The following TENM1 variants were observed in gnomAD, a reference collection of about 807,000 sequenced individuals.
TENM1 encodes the protein teneurin transmembrane protein 1, also known as teneurin-1.
In TENM1, 35 loss-of-function variants were observed where a neutral mutation model predicts 174.8. The observed-to-expected ratio is 0.20, with a 90% CI of 0.15 to 0.27. The LOEUF (loss-of-function observed/expected upper bound fraction) is 0.27. TENM1 is among the 10% of genes least tolerant of loss of function. The probability of loss-of-function intolerance (pLI) is 1.00; values close to 1 mark genes in which losing one functional copy is unlikely to be tolerated. For synonymous variants in TENM1, 781 were observed against 798.7 expected (o/e 0.98, Z 0.37); for missense variants, 1,633 against 2,130.1 (o/e 0.77, Z 4.59).
At chrX:125,028,537 G>A in the TENM1 span, among the ~76,000 whole-genome samples, 1 of 111,706 alleles carries the variant, frequency 9.0e-6, no homozygotes, top group East Asian at 2.8e-4. Flanking sequence ...TCAGAGAGTG[G>A]AGGGTGGAAG....
the TENM1 span, among the ~76,000 whole-genome samples, chrX:125,189,804 A>C: frequency 6.2e-5 from 7 of 112,385 alleles, no homozygotes; most frequent in Admixed American, 1.9e-4. Context: ...ATATGCATAC[A>C]TGTGTATGGA....
rs182888492 is a variant in TENM1, at chrX:124,726,146, T to C, written c.776+10811A>G. Among the ~76,000 whole-genome samples the C allele has an allele frequency of 5.4e-3, 605 of 112,691 alleles. 7 individuals are homozygous for C. The highest frequency in any genetic ancestry group is 0.018 in the African/African-American group (571 of 31,103). On this transcript the variant is annotated intron_variant, in intron 4 of 31. Transcript: ENST00000422452. The stretch of plus-strand genomic sequence containing the variant: ...TCCCTAAAACATTTTTAGATTCACA[T>C]TTGCATTGCCAAGTAAATCTTCTCC...
At chrX:124,711,882 C>T (rs900148954) in intron 4 of TENM1, among the ~76,000 whole-genome samples, 2 of 111,482 alleles carry the variant, frequency 1.8e-5, no homozygotes, top group Admixed American at 1.9e-4. Flanking sequence ...CAAGCAACCA[C>T]CATTCTATTT....
the TENM1 span, among the ~76,000 whole-genome samples, chrX:125,064,118 C>T: frequency 2.0e-5 from 2 of 101,459 alleles, no homozygotes; most frequent in Non-Finnish European, 3.9e-5. Context: ...AATGAGAACA[C>T]ATGGACACAG....
At chrX:125,060,245 G>A in the TENM1 span, among the ~76,000 whole-genome samples, 2 of 105,315 alleles carry the variant, frequency 1.9e-5, no homozygotes, top group Non-Finnish European at 3.9e-5. Context: ...GTAGAACCCT[G>A]ACTAATACAA....
chrX:124,752,880 G>C (rs1172229406), intron 3 of TENM1, among the ~76,000 whole-genome samples: 7 of 110,485 alleles, frequency 6.3e-5, no homozygotes, highest in Non-Finnish European at 5.7e-5. Flanking sequence ...GTACCATGCT[G>C]TTTTGGTTAC....
intron 3 of TENM1, among the ~76,000 whole-genome samples, chrX:124,867,429 A>G (rs1013615158): frequency 2.7e-5 from 3 of 112,173 alleles, no homozygotes; most frequent in African/African-American, 9.7e-5. Context: ...CATTTGATAA[A>G]ATTCAACACC....
chrX:124,463,836 GGTGT>G (rs61128914), intron 22 of TENM1, among the ~76,000 whole-genome samples: 2,705 of 90,876 alleles, frequency 0.03, 40 homozygotes, highest in Admixed American at 0.072. Flanking sequence ...TAGAGGTTGG[GGTGT>G]GTGTGTGTGT....
the TENM1 span, among the ~76,000 whole-genome samples, chrX:124,992,354 A>G: frequency 9.0e-6 from 1 of 110,521 alleles, no homozygotes; most frequent in Non-Finnish European, 1.9e-5. Context: ...GGGGATCAGA[A>G]AACAACACCC....
intron 3 of TENM1, among the ~76,000 whole-genome samples, chrX:124,814,192 A>G (rs971597403): frequency 5.4e-5 from 6 of 110,799 alleles, no homozygotes; most frequent in African/African-American, 2.0e-4. Flanking sequence ...CTAAATAACT[A>G]TACCCCAGTT....
At chrX:124,584,494 T>C (rs1004325924) in intron 11 of TENM1, among the ~76,000 whole-genome samples, 49 of 103,912 alleles carry the variant, frequency 4.7e-4, no homozygotes, top group Non-Finnish European at 7.8e-4. Flanking sequence ...CTGAGAGATT[T>C]TGTCACCACC....
chrX:124,985,394 A>T, the TENM1 span, among the ~76,000 whole-genome samples: 2 of 112,345 alleles, frequency 1.8e-5, no homozygotes, highest in Non-Finnish European at 3.8e-5. Context: ...CTCTAGGCCC[A>T]CTATAACTTT....
At chrX:124,726,510 G>A (rs1262735024) in intron 4 of TENM1, among the ~76,000 whole-genome samples, 1 of 112,200 alleles carries the variant, frequency 8.9e-6, no homozygotes, top group African/African-American at 3.2e-5. Flanking sequence ...TGGTTAAACA[G>A]GATTTATAGG....
At chrX:124,587,960 C>T (rs1180269756) in intron 11 of TENM1, among the ~76,000 whole-genome samples, 1 of 112,095 alleles carries the variant, frequency 8.9e-6, no homozygotes, top group Non-Finnish European at 1.9e-5. Flanking sequence ...CACTGGCTAT[C>T]AGAGAAATGC....
the TENM1 span, among the ~76,000 whole-genome samples, chrX:125,065,450 C>T: frequency 9.0e-6 from 1 of 111,699 alleles, no homozygotes; most frequent in Non-Finnish European, 1.9e-5. Flanking sequence ...TGATTTGGCT[C>T]CTTTTGACTT....
intron 19 of TENM1, among the ~76,000 whole-genome samples, chrX:124,498,626 T>G (rs912446700): frequency 9.2e-5 from 10 of 108,754 alleles, no homozygotes; most frequent in Admixed American, 9.1e-4. Flanking sequence ...CTTCCTCATC[T>G]TGTCTGCTTG....
chrX:125,061,508 C>T, the TENM1 span, among the ~76,000 whole-genome samples: 1 of 111,957 alleles, frequency 8.9e-6, no homozygotes. Flanking sequence ...CTCTTCAGAA[C>T]CTTAAAGTTA....
the TENM1 span, among the ~76,000 whole-genome samples, chrX:125,106,471 G>A: frequency 4.8e-4 from 52 of 107,636 alleles, no homozygotes; most frequent in African/African-American, 9.9e-4. Flanking sequence ...GTGCAGTGGC[G>A]TGATCTCAGC....
chrX:124,639,522 T>G (rs2050960516), intron 11 of TENM1, among the ~76,000 whole-genome samples: 1 of 111,549 alleles, frequency 9.0e-6, no homozygotes, highest in Admixed American at 9.5e-5. Flanking sequence ...AGTTAGATAA[T>G]AAATTTTAGA....
Sources: gnomAD v4.1 joint callset for allele counts (sites outside exome capture counted in the v4.1 genomes callset) on GRCh38, gnomAD v4.1.1 for gene constraint, MANE v1.5 for transcripts, NCBI Gene and HGNC (gene_info 2026-07-23, HGNC 2026-07-21) for gene names.